COL25A1: variants seen among roughly 807,000 people sequenced by gnomAD.
The protein encoded by COL25A1 is collagen alpha-1(XXV) chain.
COL25A1 carries 103 observed loss-of-function variants against 128.4 expected under a neutral mutation model. The ratio of observed to expected loss-of-function variants is 0.80; its 90% CI spans 0.68 to 0.94. The LOEUF (loss-of-function observed/expected upper bound fraction) is 0.94. Among genes scored for constraint, COL25A1 ranks in the 40% least tolerant of loss-of-function variants. COL25A1 has a pLI of 0.00. For missense variants in COL25A1, 745 were observed against 840.0 expected, an observed-to-expected ratio of 0.89 and a Z score of 1.40; for synonymous variants, 279 against 277.2, an observed-to-expected ratio of 1.01 and a Z score of -0.06.
Position 108,817,446 on chromosome 4 carries a change from G to C in COL25A1, c.1924-11C>G, listed in dbSNP as rs1330938224. The C allele has an allele frequency of 3.7e-6, 6 of 1,612,464 alleles. No homozygotes were observed. Among genetic ancestry groups the C allele is most frequent in the Non-Finnish European group, 5.1e-6 (6 of 1,178,886 alleles). ...TAAGCCATCTGGCCCCTGTTTTAAA[G>C]AGAAGAAAAAGAATTCCTCAGGTTC... On this transcript the variant is annotated splice_polypyrimidine_tract_variant and intron_variant, in intron 36 of 37. Coordinates refer to ENST00000399132, the MANE Select transcript of COL25A1 (RefSeq NM_198721.4).
intron 18 of COL25A1, among the ~76,000 whole-genome samples, chr4:108,888,933 A>G (rs1468604487): frequency 5.9e-5 from 9 of 152,218 alleles, no homozygotes; most frequent in Admixed American, 6.5e-5. Flanking sequence ...AGCATGCAGG[A>G]TACATTGTTG....
intron 3 of COL25A1, among the ~76,000 whole-genome samples, chr4:109,128,492 C>G (rs1768855336): frequency 1.3e-5 from 2 of 152,184 alleles, no homozygotes; most frequent in Admixed American, 1.3e-4. Context: ...ACCAATGTAG[C>G]CTCCATGTAT....
In COL25A1 at chr4:108,943,824, C is replaced by CAAAAAA. The variant is rs200181154; in HGVS notation, c.493-2393_493-2388dup. 1.4e-3 allele frequency among the ~76,000 whole-genome samples: 193 copies of CAAAAAA among 137,276 alleles called. 2 individuals carry two copies. In the East Asian group the frequency reaches 0.039, roughly 28 times the overall value. The allele number at this position is 137,276 out of a possible 152,430, so 90.1% of individuals were successfully genotyped here. On this transcript the variant is annotated intron_variant, in intron 8 of 37. Transcript: ENST00000399132. Reference sequence around the variant, plus strand: ...ACTAAAGCCTTTTATTCCTTTTTTTCAAAAAAAAAAAAACACAGAACATGT... The same window carrying CAAAAAA: ...ACTAAAGCCTTTTATTCCTTTTTTTCAAAAAAAAAAAAAAAAAAACACAGAACATGT...
At chr4:108,978,643 G>A (rs1379534684) in intron 6 of COL25A1, among the ~76,000 whole-genome samples, 1 of 152,054 alleles carries the variant, frequency 6.6e-6, no homozygotes, top group Non-Finnish European at 1.5e-5. Flanking sequence ...TTTTTCAATG[G>A]CACATTGCTG....
chr4:109,300,804 A>G (rs1725442696), intron 2 of COL25A1, 152 bp from the exon 3 acceptor site: 1 of 583,598 alleles, frequency 1.7e-6, no homozygotes, highest in African/African-American at 1.9e-5. Context: ...CAAGAAAGTA[A>G]CCATGCCTAA....
At position 108,812,594 on chromosome 4, in the gene COL25A1, T is replaced by A. The variant is rs1730880816; in HGVS notation, c.*1333A>T. 1 of 152,020 alleles carries A rather than the reference T, an allele frequency of 6.6e-6. No individual in the cohort carries two copies. Among genetic ancestry groups the A allele is most frequent in the African/African-American group, 2.4e-5 (1 of 41,408 alleles). 9.4% of individuals were successfully genotyped at this position (152,020 alleles called of 1,614,324 possible). A position where few individuals can be genotyped will look rare whatever the true frequency, so the allele number is the denominator to read the frequency against. ...AAATTATTATGATTTGAAGACTTCT[T>A]AAAAAAATTGTTCAAAACATATGTG... On this transcript the variant is annotated 3_prime_UTR_variant, in exon 38 of 38. Transcript: ENST00000399132.
chr4:109,221,339 G>A (rs746386474), intron 3 of COL25A1, among the ~76,000 whole-genome samples: 3 of 151,896 alleles, frequency 2.0e-5, no homozygotes, highest in Admixed American at 6.6e-5. Context: ...GAAAATCCAC[G>A]CAAATTTCTC....
intron 3 of COL25A1, among the ~76,000 whole-genome samples, chr4:109,186,417 A>C (rs1775135108): frequency 2.0e-5 from 3 of 152,346 alleles, no homozygotes; most frequent in Non-Finnish European, 4.4e-5. Context: ...TATATAAATG[A>C]CAGTAATGTT....
intron 13 of COL25A1, among the ~76,000 whole-genome samples, chr4:108,906,455 C>A (rs1022008951): frequency 2.5e-4 from 38 of 152,308 alleles, no homozygotes; most frequent in African/African-American, 9.1e-4. Flanking sequence ...CCTATAAAGG[C>A]ATATGCCTGT....
intron 3 of COL25A1, among the ~76,000 whole-genome samples, chr4:109,225,682 G>C (rs1218536545): frequency 6.6e-6 from 1 of 152,108 alleles, no homozygotes; most frequent in African/African-American, 2.4e-5. Context: ...CAATAGCAGA[G>C]ATACAAAATC....
chr4:108,860,972 C>T lies in COL25A1; in HGVS notation c.1198-1G>A. The T allele has an allele frequency of 1.2e-6, 2 of 1,613,406 alleles. No homozygotes were observed. Among genetic ancestry groups the T allele is most frequent in the Non-Finnish European group, 8.5e-7 (1 of 1,179,518 alleles). On this transcript the variant is annotated splice_acceptor_variant, in intron 22 of 37. Transcript: ENST00000399132. LOFTEE classifies it high-confidence loss of function. ...AGTCCCCTTTTTCTCCACGATCCCC[C>T]TTTTCCCGTTGGAAAGAGAAAAAAC...
chr4:108,859,115 G>A (rs1429263308), intron 24 of COL25A1, among the ~76,000 whole-genome samples: 1 of 152,118 alleles, frequency 6.6e-6, no homozygotes, highest in Non-Finnish European at 1.5e-5. Flanking sequence ...GAAATACAGA[G>A]GGCTTACTAT....
chr4:108,919,187 T>C (rs1745209352), intron 12 of COL25A1, among the ~76,000 whole-genome samples: 1 of 152,154 alleles, frequency 6.6e-6, no homozygotes, highest in Admixed American at 6.5e-5. Flanking sequence ...GGTCTGTAAT[T>C]ATAGACCAAA....
At chr4:109,003,023 TGTG>T (rs1317984696) in intron 6 of COL25A1, among the ~76,000 whole-genome samples, 1 of 152,178 alleles carries the variant, frequency 6.6e-6, no homozygotes, top group African/African-American at 2.4e-5. Context: ...AGTGAGGACA[TGTG>T]GTGAGGACAT....
intron 3 of COL25A1, among the ~76,000 whole-genome samples, chr4:109,192,649 C>T (rs1010396823): frequency 1.3e-5 from 2 of 152,044 alleles, no homozygotes; most frequent in Admixed American, 6.6e-5. Context: ...GTCAGGAGAT[C>T]GAGACCATCC....
At chr4:109,015,562 T>G (rs1757135892) in intron 5 of COL25A1, among the ~76,000 whole-genome samples, 1 of 152,062 alleles carries the variant, frequency 6.6e-6, no homozygotes, top group East Asian at 1.9e-4. Context: ...CATGAGAAAG[T>G]GGAGAATACT....
intron 3 of COL25A1, among the ~76,000 whole-genome samples, chr4:109,194,820 C>T (rs1027354005): frequency 2.6e-5 from 4 of 152,122 alleles, no homozygotes; most frequent in Admixed American, 2.6e-4. Flanking sequence ...TTCTCTGCTC[C>T]TTGACTTCAG....
intron 3 of COL25A1, among the ~76,000 whole-genome samples, chr4:109,282,824 C>A (rs564761757): frequency 6.6e-6 from 1 of 152,256 alleles, no homozygotes; most frequent in South Asian, 2.1e-4. Context: ...GATATGAAGT[C>A]TTGAGAACAC....
intron 3 of COL25A1, among the ~76,000 whole-genome samples, chr4:109,075,338 T>C (rs75685388): frequency 0.021 from 3,224 of 152,178 alleles, 76 homozygotes; most frequent in Middle Eastern, 0.11. Context: ...ACATATACTT[T>C]AAAATTGGAA....
Sources: gnomAD v4.1 joint callset for allele counts (sites outside exome capture counted in the v4.1 genomes callset) on GRCh38, gnomAD v4.1.1 for gene constraint, MANE v1.5 for transcripts, NCBI Gene and HGNC (gene_info 2026-07-23, HGNC 2026-07-21) for gene names.